HECW2: variants seen among roughly 807,000 people sequenced by gnomAD.
HECW2 encodes the protein HECT, C2 and WW domain containing E3 ubiquitin protein ligase 2, also known as E3 ubiquitin-protein ligase HECW2.
Under a neutral mutation model 175.2 loss-of-function variants are expected in HECW2, and 61 were observed. That is an observed-to-expected ratio of 0.35 (90% CI 0.28 to 0.43). The LOEUF (loss-of-function observed/expected upper bound fraction) is 0.43, where lower values mean the gene tolerates loss of function less well. Among genes scored for constraint, HECW2 ranks in the 20% least tolerant of loss-of-function variants. The pLI, the probability that HECW2 is intolerant of heterozygous loss-of-function variation, is 1.00. For missense variants in HECW2, 1,524 were observed against 2,000.5 expected (o/e 0.76, Z 4.54); for synonymous variants, 671 against 731.0 (o/e 0.92, Z 1.32).
rs140719254 is a variant in HECW2, at chr2:196,362,375, A to G, written c.293-18611T>C. On this transcript the variant is annotated intron_variant, in intron 2 of 28. Transcript: ENST00000644978. ...CACACACACACACACACACACACAC[A>G]CACACAGAGTGGGCTGATGTCAAAC... is the stretch of plus-strand genomic sequence containing the variant. Among the ~76,000 whole-genome samples, 960 of 138,580 alleles carry G rather than the reference A, an allele frequency of 6.9e-3. 8 individuals are homozygous for G. The highest frequency in any genetic ancestry group is 0.023 in the Middle Eastern group (6 of 260). 90.9% of individuals were successfully genotyped at this position (138,580 alleles called of 152,430 possible). A position where few individuals can be genotyped will look rare whatever the true frequency, so the allele number is the denominator to read the frequency against.
At chr2:196,361,334 A>C (rs557400640) in intron 2 of HECW2, among the ~76,000 whole-genome samples, 17 of 152,310 alleles carry the variant, frequency 1.1e-4, no homozygotes, top group South Asian at 6.2e-4. Context: ...ATGTCTATGA[A>C]TACTTGTCCA....
chr2:196,566,534 C>CTTT (rs397942390), intron 1 of HECW2, among the ~76,000 whole-genome samples: 1 of 139,554 alleles, frequency 7.2e-6, no homozygotes, highest in African/African-American at 2.6e-5. Context: ...TTTTCTTTTT[C>CTTT]TTTTTTTTTT....
At chr2:196,290,956 TAG>T (rs1320278702) in intron 14 of HECW2, 2 of 152,212 alleles carry the variant, frequency 1.3e-5, no homozygotes, top group Non-Finnish European at 2.9e-5. Context: ...GGCTGGGAAT[TAG>T]AGGTTTATTA....
intron 2 of HECW2, among the ~76,000 whole-genome samples, chr2:196,379,515 C>T (rs1394634219): frequency 1.3e-5 from 2 of 151,934 alleles, no homozygotes; most frequent in Admixed American, 6.5e-5. Flanking sequence ...GAAACCCCGT[C>T]TCTACTAAAA....
At chr2:196,403,714 G>A (rs1423913434) in intron 2 of HECW2, among the ~76,000 whole-genome samples, 5 of 152,134 alleles carry the variant, frequency 3.3e-5, no homozygotes, top group African/African-American at 7.2e-5. Flanking sequence ...GAAGATAATC[G>A]TGGCTATAAG....
chr2:196,405,107 A>T (rs527975986), intron 2 of HECW2, among the ~76,000 whole-genome samples: 1 of 151,848 alleles, frequency 6.6e-6, no homozygotes, highest in East Asian at 1.9e-4. Flanking sequence ...CTGGGATTAC[A>T]GGTGTGAGCC....
At chr2:196,415,109 C>G (rs976718441) in intron 2 of HECW2, among the ~76,000 whole-genome samples, 1 of 152,202 alleles carries the variant, frequency 6.6e-6, no homozygotes, top group Non-Finnish European at 1.5e-5. Flanking sequence ...CCTTACCTGG[C>G]TACCAGGTGA....
At chr2:196,444,956 C>T (rs908241299) in intron 1 of HECW2, among the ~76,000 whole-genome samples, 3 of 152,194 alleles carry the variant, frequency 2.0e-5, no homozygotes, top group South Asian at 2.1e-4. Flanking sequence ...TATTCTGTTA[C>T]CCTTGCAAAT....
At chr2:196,275,634 C>A (rs1575340393) in intron 15 of HECW2, among the ~76,000 whole-genome samples, 1 of 152,162 alleles carries the variant, frequency 6.6e-6, no homozygotes, top group South Asian at 2.1e-4. Flanking sequence ...TGCCTGTAGT[C>A]CCAGCTACTC....
intron 28 of HECW2, among the ~76,000 whole-genome samples, chr2:196,211,643 GA>G (rs1220618356): frequency 6.6e-6 from 1 of 152,138 alleles, no homozygotes; most frequent in Admixed American, 6.5e-5. Context: ...GTGAGACTAG[GA>G]AATCTGAGAA....
intron 21 of HECW2, among the ~76,000 whole-genome samples, chr2:196,230,792 T>C (rs2105847891): frequency 6.6e-6 from 1 of 152,310 alleles, no homozygotes; most frequent in East Asian, 1.9e-4. Context: ...CCTGTCTGCA[T>C]GTAGCTGCAT....
chr2:196,420,323 C>T (rs976224504), intron 2 of HECW2, among the ~76,000 whole-genome samples: 1 of 152,138 alleles, frequency 6.6e-6, no homozygotes, highest in Non-Finnish European at 1.5e-5. Flanking sequence ...TAATGTCAGC[C>T]AGATTGTGGG....
At chr2:196,359,397 G>A (rs1349625339) in intron 2 of HECW2, among the ~76,000 whole-genome samples, 1 of 152,154 alleles carries the variant, frequency 6.6e-6, no homozygotes, top group African/African-American at 2.4e-5. Flanking sequence ...GCAGTGAGCC[G>A]AGGTGGTGCC....
At chr2:196,223,341 CT>C (rs1388441294) in intron 23 of HECW2, among the ~76,000 whole-genome samples, 5 of 152,154 alleles carry the variant, frequency 3.3e-5, no homozygotes, top group Admixed American at 1.3e-4. Flanking sequence ...CATGAGGGGC[CT>C]TTTCTTTGAC....
chr2:196,375,395 C>T (rs1694024839), intron 2 of HECW2, among the ~76,000 whole-genome samples: 1 of 152,190 alleles, frequency 6.6e-6, no homozygotes, highest in South Asian at 2.1e-4. Context: ...ACAGAAATCA[C>T]ACTGCAATCA....
At chr2:196,491,792 A>T (rs1687206030) in intron 1 of HECW2, among the ~76,000 whole-genome samples, 1 of 152,036 alleles carries the variant, frequency 6.6e-6, no homozygotes, top group Admixed American at 6.6e-5. Context: ...AATGGTCTCA[A>T]ATCTAATCTC....
At chr2:196,479,851 G>C (rs1266778072) in intron 1 of HECW2, among the ~76,000 whole-genome samples, 1 of 152,076 alleles carries the variant, frequency 6.6e-6, no homozygotes, top group Non-Finnish European at 1.5e-5. Flanking sequence ...AGAACTCTTA[G>C]CTTGTCTCTT....
Position 196,282,532 on chromosome 2 carries a change from C to T in HECW2, c.3001-3870G>A, listed in dbSNP as rs542814874. ...TATATGTTAGTTCAGTCTGGAAAGG[C>T]GAGACAACTGGAAGCAGGGGTGGGG... On this transcript the variant is annotated intron_variant, in intron 14 of 28. Transcript: ENST00000644978. 2.4e-4 allele frequency among the ~76,000 whole-genome samples: 37 copies of T among 151,840 alleles called. No individual in the cohort carries two copies. The South Asian group carries it at 6.5e-3, about 26-fold the overall frequency.
intron 2 of HECW2, among the ~76,000 whole-genome samples, chr2:196,427,398 G>A (rs1244147748): frequency 3.9e-5 from 6 of 152,148 alleles, no homozygotes; most frequent in African/African-American, 1.2e-4. Context: ...GGCAAATGGA[G>A]CCTTTTGAAG....
Sources: allele counts gnomAD v4.1 joint callset (sites outside exome capture counted in the v4.1 genomes callset), GRCh38; gene constraint gnomAD v4.1.1; transcripts MANE v1.5; gene names NCBI Gene and HGNC (gene_info 2026-07-23, HGNC 2026-07-21).